Variants in CAMK2A observed in about 807,000 individuals in gnomAD.
The protein encoded by CAMK2A is calcium/calmodulin-dependent protein kinase type II subunit alpha.
In CAMK2A, 7 loss-of-function variants were observed where a neutral mutation model predicts 79.2. The observed-to-expected ratio is 0.09, with a 90% CI of 0.05 to 0.17. The LOEUF is 0.17. Among genes scored for constraint, CAMK2A ranks in the 10% least tolerant of loss-of-function variants. The probability of loss-of-function intolerance (pLI) is 1.00; values close to 1 mark genes in which losing one functional copy is unlikely to be tolerated. For missense variants in CAMK2A, 214 were observed against 646.4 expected (o/e 0.33, Z 7.25); for synonymous variants, 242 against 251.7 (o/e 0.96, Z 0.36).
chr5:150,258,654 G>A (rs1756166428), intron 3 of CAMK2A, among the ~76,000 whole-genome samples: 1 of 152,196 alleles, frequency 6.6e-6, no homozygotes, highest in South Asian at 2.1e-4. Flanking sequence ...AGGGGAATTG[G>A]GGGAGTTGGG....
In CAMK2A at chr5:150,261,704, G is replaced by A. The variant is rs543810714; in HGVS notation, c.217+3252C>T. On this transcript the variant is annotated intron_variant, in intron 3 of 18. Transcript: ENST00000671881. Reference sequence around the variant, plus strand: ...TTGGAAAGCTAAATAGAAGGACTGGGAACAAGGGCTCTGGAGTCAGACTTG... The same window carrying A: ...TTGGAAAGCTAAATAGAAGGACTGGAAACAAGGGCTCTGGAGTCAGACTTG... Among the ~76,000 whole-genome samples the A allele has an allele frequency of 2.1e-3, 319 of 152,252 alleles. 1 individual carries two copies. The highest frequency in any genetic ancestry group is 7.2e-3 in the African/African-American group (298 of 41,530).
Position 150,221,639 on chromosome 5 carries a change from G to A in CAMK2A, c.*1071C>T, listed in dbSNP as rs570833066. On this transcript the variant is annotated 3_prime_UTR_variant, in exon 19 of 19. Coordinates refer to ENST00000671881, the MANE Select transcript of CAMK2A (RefSeq NM_015981.4). ...ATGCTTCCACAGTCCCAAAAGGAAC[G>A]CCTGTGTCAGCTCACCTTGGGACCG... The A allele has an allele frequency of 8.0e-5, 32 of 398,198 alleles. No homozygotes were observed. The highest frequency in any genetic ancestry group is 2.7e-4 in the African/African-American group (13 of 48,544). The allele number at this position is 398,198 out of a possible 1,614,324, so 24.7% of individuals were successfully genotyped here.
intron 2 of CAMK2A, among the ~76,000 whole-genome samples, chr5:150,269,897 T>C (rs1756667197): frequency 6.6e-6 from 1 of 152,120 alleles, no homozygotes; most frequent in African/African-American, 2.4e-5. Flanking sequence ...AATGACACTC[T>C]AGTGCAGGCT....
chr5:150,239,504 C>T (rs549881171), intron 14 of CAMK2A, among the ~76,000 whole-genome samples, 200 bp downstream of exon 14: 1 of 152,216 alleles, frequency 6.6e-6, no homozygotes, highest in East Asian at 1.9e-4. Flanking sequence ...TGGTCTGGGC[C>T]GTGGAGTTGG....
intron 13 of CAMK2A, among the ~76,000 whole-genome samples, chr5:150,241,081 G>A (rs925454317): frequency 1.3e-5 from 2 of 152,218 alleles, no homozygotes; most frequent in Non-Finnish European, 2.9e-5. Context: ...AGGGAGTGAA[G>A]GAGGCTGAGC....
chr5:150,260,568 C>T (rs1756264249), intron 3 of CAMK2A, among the ~76,000 whole-genome samples: 1 of 152,108 alleles, frequency 6.6e-6, no homozygotes, highest in South Asian at 2.1e-4. Flanking sequence ...TAAGTTGGTG[C>T]ATCCAAACCC....
At chr5:150,288,281 C>T (rs1757515183) in intron 1 of CAMK2A, among the ~76,000 whole-genome samples, 1 of 152,132 alleles carries the variant, frequency 6.6e-6, no homozygotes, top group Non-Finnish European at 1.5e-5. Context: ...ACAGCTCTAA[C>T]CTGCCATACA....
At chr5:150,250,589 T>G in intron 10 of CAMK2A, 99 bp downstream of exon 10, 1 of 1,497,374 alleles carries the variant, frequency 6.7e-7, no homozygotes, top group Non-Finnish European at 9.1e-7. Context: ...TTAAGCCCTC[T>G]TGGCCCCATG....
At chr5:150,260,356 G>A (rs1756252128) in intron 3 of CAMK2A, among the ~76,000 whole-genome samples, 1 of 151,984 alleles carries the variant, frequency 6.6e-6, no homozygotes, top group South Asian at 2.1e-4. Context: ...CTACTCAGGA[G>A]GCTGAGGCAG....
intron 1 of CAMK2A, among the ~76,000 whole-genome samples, chr5:150,276,103 A>G (rs1756933390): frequency 6.6e-6 from 1 of 152,152 alleles, no homozygotes; most frequent in African/African-American, 2.4e-5. Flanking sequence ...GGGTTCTAAG[A>G]CCAAATATTA....
At chr5:150,242,967 C>T (rs1307430900) in intron 13 of CAMK2A, among the ~76,000 whole-genome samples, 1 of 152,230 alleles carries the variant, frequency 6.6e-6, no homozygotes, top group Admixed American at 6.5e-5. Context: ...TTCTTCCACA[C>T]CCAGGCCACC....
chr5:150,230,692 G>C (rs1045528833), intron 16 of CAMK2A, among the ~76,000 whole-genome samples: 18 of 152,256 alleles, frequency 1.2e-4, no homozygotes, highest in African/African-American at 4.3e-4. Context: ...CTCTGGCTCA[G>C]CCCATGCACA....
At chr5:150,289,450 C>A (rs1255982710) in intron 1 of CAMK2A, 114 bp downstream of exon 1, 2 of 823,386 alleles carry the variant, frequency 2.4e-6, no homozygotes, top group African/African-American at 3.3e-5. Flanking sequence ...ATGCAGCCTG[C>A]CTTCATCTGT....
At chr5:150,243,055 G>C (rs1194461116) in intron 13 of CAMK2A, among the ~76,000 whole-genome samples, 1 of 152,234 alleles carries the variant, frequency 6.6e-6, no homozygotes, top group Non-Finnish European at 1.5e-5. Context: ...GCAGTGGCCA[G>C]CAGAGCCCCA....
intron 2 of CAMK2A, among the ~76,000 whole-genome samples, chr5:150,271,319 C>A (rs372780012): frequency 6.6e-6 from 1 of 152,216 alleles, no homozygotes; most frequent in Non-Finnish European, 1.5e-5. Context: ...CCAGCCACCC[C>A]CTCTGCTGAT....
intron 17 of CAMK2A, 40 bp downstream of exon 17, chr5:150,228,152 G>T: frequency 6.5e-7 from 1 of 1,528,004 alleles, no homozygotes; most frequent in Non-Finnish European, 9.0e-7. Context: ...CATGGAACGA[G>T]AGCAGACAAC....
chr5:150,234,467 T>G (rs191831109), intron 15 of CAMK2A, among the ~76,000 whole-genome samples: 1 of 152,316 alleles, frequency 6.6e-6, no homozygotes, highest in Admixed American at 6.5e-5. Context: ...AGTACTTACC[T>G]TGTAGAGTTG....
At chr5:150,253,581 G>A (rs748742513) in intron 6 of CAMK2A, 35 bp from the exon 7 acceptor site, 6 of 1,551,878 alleles carry the variant, frequency 3.9e-6, no homozygotes, top group Middle Eastern at 1.7e-4. Context: ...GGAAGGGGAG[G>A]AAAGCGCCAA....
chr5:150,236,169 C>T (rs1755050337), intron 15 of CAMK2A, among the ~76,000 whole-genome samples: 1 of 152,160 alleles, frequency 6.6e-6, no homozygotes, highest in African/African-American at 2.4e-5. Flanking sequence ...AATGTGAGAC[C>T]TCAGGGATGC....
Sources: gnomAD v4.1 joint callset for allele counts (sites outside exome capture counted in the v4.1 genomes callset) on GRCh38, gnomAD v4.1.1 for gene constraint, MANE v1.5 for transcripts, NCBI Gene and HGNC (gene_info 2026-07-23, HGNC 2026-07-21) for gene names.